The following RIDA variants were observed in gnomAD, a reference collection of about 807,000 sequenced individuals.
RIDA encodes 2-iminobutanoate/2-iminopropanoate deaminase.
In RIDA, 17 loss-of-function variants were observed where a neutral mutation model predicts 17.8. That is an observed-to-expected ratio of 0.96 (90% CI 0.65 to 1.43). The LOEUF is 1.43. Among genes scored for constraint, RIDA ranks in the 40% most tolerant of loss-of-function variants. The pLI, the probability that RIDA is intolerant of heterozygous loss-of-function variation, is 0.00. For synonymous variants in RIDA, 48 were observed against 55.7 expected, an observed-to-expected ratio of 0.86 and a Z score of 0.62; for missense variants, 158 against 161.7, an observed-to-expected ratio of 0.98 and a Z score of 0.12.
rs868783958 is a variant in RIDA, at chr8:98,114,021, C to G, written c.65+3011G>C. On this transcript the variant is annotated intron_variant, in intron 1 of 5. Transcript: ENST00000254878. ...TTAGCCTGGGCAACATGGTAAAACCCCAGCTCTATAAAAAATACAAAAATT... is the reference window on the plus strand; with the variant it reads ...TTAGCCTGGGCAACATGGTAAAACCGCAGCTCTATAAAAAATACAAAAATT... Among the ~76,000 whole-genome samples, 21 of 152,258 alleles carry G rather than the reference C, an allele frequency of 1.4e-4. 1 individual carries two copies. The South Asian group carries it at 2.5e-3, about 18-fold the overall frequency.
chr8:98,113,107 C>T (rs911776234), intron 1 of RIDA, among the ~76,000 whole-genome samples: 15 of 152,210 alleles, frequency 9.9e-5, no homozygotes, highest in African/African-American at 3.6e-4. Flanking sequence ...ATAATTCTCA[C>T]ATCATAGTCT....
chr8:98,102,899 G>A lies in RIDA; in HGVS notation c.357C>T (p.Ser119=). 6.2e-7 allele frequency: 1 copy of A among 1,612,210 alleles called. No homozygotes were observed. Among genetic ancestry groups the A allele is most frequent in the Non-Finnish European group, 8.5e-7 (1 of 1,178,684 alleles). ...AYQVAALPKG[S]RIEIEAVAIQ... is the part of the protein sequence containing the mutation. ...TAGCTACTGCTTCAATTTCAATTCGGCTGCCCTGTGAGGAAAATGAAAGAA... is the reference window on the plus strand; with the variant it reads ...TAGCTACTGCTTCAATTTCAATTCGACTGCCCTGTGAGGAAAATGAAAGAA... Residue 119 remains serine, a synonymous_variant, in exon 6 of 6, where the codon AGC becomes AGT. Coordinates refer to ENST00000254878, the MANE Select transcript of RIDA (RefSeq NM_005836.3).
chr8:98,111,974 A>G (rs2447503), intron 1 of RIDA, among the ~76,000 whole-genome samples: 24,595 of 152,020 alleles, frequency 0.16, 2,386 homozygotes, highest in East Asian at 0.36. Context: ...AAACAAATAT[A>G]TATTTTCTCT....
chr8:98,109,818 T>C (rs1190103437), intron 1 of RIDA, among the ~76,000 whole-genome samples: 1 of 152,208 alleles, frequency 6.6e-6, no homozygotes, highest in African/African-American at 2.4e-5. Context: ...GGTCTTGCTA[T>C]GTTGCCTAGG....
intron 2 of RIDA, 119 bp downstream of exon 2, chr8:98,108,527 G>GT: frequency 1.5e-6 from 1 of 686,922 alleles, no homozygotes; most frequent in Non-Finnish European, 2.6e-6. Context: ...GCAGTAAGTA[G>GT]TTTAAAAAAC....
In RIDA at chr8:98,105,977, T is replaced by C; in HGVS notation, c.256A>G (p.Ile86Val). The change falls in exon 4 of 6, where the codon ATA becomes GTA. Residue 86 changes from isoleucine (I) to valine (V), a missense_variant. By Grantham distance (29) the Ile-to-Val change is conservative (BLOSUM62 3). Coordinates refer to ENST00000254878, the MANE Select transcript of RIDA (RefSeq NM_005836.3). ...TCATTGACAGTATTGAAGTCATTTA[T>C]GTCAGCCAGAAGAACAGTTGTTTTC... is the stretch of plus-strand genomic sequence containing the variant. ...VVKTTVLLAD[I>V]NDFNTVNEIY... 1 of 1,609,496 alleles carries C rather than the reference T, an allele frequency of 6.2e-7. No homozygotes were observed.
intron 4 of RIDA, among the ~76,000 whole-genome samples, chr8:98,105,109 T>A (rs1815614031): frequency 7.4e-6 from 1 of 134,460 alleles, no homozygotes. Context: ...TAAAATCTCT[T>A]AGCTTTCTGG....
intron 1 of RIDA, among the ~76,000 whole-genome samples, chr8:98,111,396 C>A (rs1815724366): frequency 6.6e-6 from 1 of 152,032 alleles, no homozygotes; most frequent in Non-Finnish European, 1.5e-5. Flanking sequence ...CCACTTGAGG[C>A]CAGGAGTTCA....
rs1007873989 is a variant in RIDA at position 98,102,745 on chromosome 8, G to A, written c.*97C>T. The A allele has an allele frequency of 5.0e-6, 4 of 799,644 alleles. No individual in the cohort carries two copies. The South Asian group carries it at 6.0e-5, about 12-fold the overall frequency. The allele number at this position is 799,644 out of a possible 1,614,324, so 49.5% of individuals were successfully genotyped here. On this transcript the variant is annotated 3_prime_UTR_variant, in exon 6 of 6. Transcript: ENST00000254878. ...CAGATATTTTCATCAAACTCACACTGTCATCAATTGTGAAAATTAAAAGGT... is the reference window on the plus strand; with the variant it reads ...CAGATATTTTCATCAAACTCACACTATCATCAATTGTGAAAATTAAAAGGT...
intron 1 of RIDA, 96 bp from the exon 2 acceptor site, chr8:98,108,847 T>TA (rs34364402): frequency 0.15 from 78,452 of 522,772 alleles, 2,978 homozygotes; most frequent in African/African-American, 0.29. Flanking sequence ...GTATAAATTG[T>TA]AAAAAAAAAA....
At chr8:98,114,287 T>C (rs1016122154) in intron 1 of RIDA, among the ~76,000 whole-genome samples, 2 of 152,012 alleles carry the variant, frequency 1.3e-5, no homozygotes, top group African/African-American at 4.8e-5. Flanking sequence ...ATTCTTCCAT[T>C]TAGTATTGGA....
chr8:98,112,827 T>G (rs906861448), intron 1 of RIDA, among the ~76,000 whole-genome samples: 33 of 152,336 alleles, frequency 2.2e-4, no homozygotes, highest in African/African-American at 7.7e-4. Flanking sequence ...CCATATGCAT[T>G]ATTATTTATC....
In RIDA at chr8:98,108,753, T is replaced by A. The variant is rs1815670721; in HGVS notation, c.66-2A>T. 1 of 1,578,778 alleles carries A rather than the reference T, an allele frequency of 6.3e-7. No individual in the cohort carries two copies. Among genetic ancestry groups the A allele is most frequent in the Admixed American group, 1.7e-5 (1 of 59,938 alleles). On this transcript the variant is annotated splice_acceptor_variant, in intron 1 of 5. Coordinates refer to ENST00000254878, the MANE Select transcript of RIDA (RefSeq NM_005836.3). LOFTEE classifies it high-confidence loss of function. ...GTCCTGTCGACTAATACAGCTTGAC[T>A]GCAATAAACAGAAAGCTAGTGTATT... is the stretch of plus-strand genomic sequence containing the variant.
rs758646800 is a variant in RIDA, at chr8:98,102,898, G to C, written c.358C>G (p.Arg120Gly). The change falls in exon 6 of 6, where the codon CGA (arginine) becomes GGA (glycine). Residue 120 changes from arginine (R) to glycine (G), a missense_variant. Physicochemically the swap from Arg to Gly is moderately radical, Grantham distance 125 (BLOSUM62 -2). Transcript: ENST00000254878. Reference protein sequence around the residue: ...YQVAALPKGSRIEIEAVAIQG... With the variant: ...YQVAALPKGSGIEIEAVAIQG... Reference sequence around the variant, plus strand: ...ATAGCTACTGCTTCAATTTCAATTCGGCTGCCCTGTGAGGAAAATGAAAGA... The same window carrying C: ...ATAGCTACTGCTTCAATTTCAATTCCGCTGCCCTGTGAGGAAAATGAAAGA... 1.2e-6 allele frequency: 2 copies of C among 1,612,248 alleles called. No homozygotes were observed.
rs2130561883 is a variant in RIDA at position 98,117,103 on chromosome 8, G to A, written c.-7C>T. The A allele has an allele frequency of 4.3e-6, 7 of 1,614,042 alleles. No individual in the cohort carries two copies. The highest frequency in any genetic ancestry group is 2.2e-5 in the East Asian group (1 of 44,874). On this transcript the variant is annotated 5_prime_UTR_variant, in exon 1 of 6. Coordinates refer to ENST00000254878, the MANE Select transcript of RIDA (RefSeq NM_005836.3). ...TTCTGATCAAGGACGACATGGCTAA[G>A]CCTTCCCTCTTGCAGCCCCTTCAGG...
intron 1 of RIDA, among the ~76,000 whole-genome samples, chr8:98,114,131 C>T (rs4735528): frequency 0.46 from 69,134 of 151,872 alleles, 15,985 homozygotes; most frequent in Admixed American, 0.51. Flanking sequence ...GAGGTTGAGG[C>T]GACAATAAGC....
chr8:98,105,933 C>A lies in RIDA; in HGVS notation c.295+5G>T, dbSNP rs781502066. The A allele has an allele frequency of 1.9e-6, 3 of 1,584,520 alleles. No homozygotes were observed. Among genetic ancestry groups the A allele is most frequent in the East Asian group, 4.5e-5 (2 of 44,654 alleles). ...GGAAAATAGGAATAAAGCCAAATTA[C>A]TTACACTGTTTGTAGATTTCATTGA... On this transcript the variant is annotated splice_donor_5th_base_variant and intron_variant, in intron 4 of 5. Transcript: ENST00000254878.
In RIDA at chr8:98,114,985, CTT is replaced by C. The variant is rs1254682605; in HGVS notation, c.65+2045_65+2046del. Among the ~76,000 whole-genome samples the C allele has an allele frequency of 2.0e-5, 3 of 152,078 alleles. No homozygotes were observed. The East Asian group carries it at 5.8e-4, about 29-fold the overall frequency. On this transcript the variant is annotated intron_variant, in intron 1 of 5. Transcript: ENST00000254878. Reference sequence around the variant, plus strand: ...CCTAAATTCAAATTTTGTTACATCACTTTTTAGTGGTGTAACTTTTGGCAAAT... The same window carrying C: ...CCTAAATTCAAATTTTGTTACATCACTTTAGTGGTGTAACTTTTGGCAAAT...
intron 3 of RIDA, 101 bp downstream of exon 3, chr8:98,106,171 G>T (rs776260564): frequency 9.8e-6 from 12 of 1,226,900 alleles, no homozygotes; most frequent in Non-Finnish European, 1.4e-5. Context: ...CTTTTAAATA[G>T]CAACAAAGAT....
Sources: gnomAD v4.1 joint callset for allele counts (sites outside exome capture counted in the v4.1 genomes callset) on GRCh38, gnomAD v4.1.1 for gene constraint, MANE v1.5 for transcripts, NCBI Gene and HGNC (gene_info 2026-07-23, HGNC 2026-07-21) for gene names.